DIS3L2: variants seen among roughly 807,000 people sequenced by gnomAD.
The protein encoded by DIS3L2 is DIS3 like 3'-5' exoribonuclease 2.
A neutral mutation model predicts 97.5 loss-of-function variants in DIS3L2; 34 were observed. The ratio of observed to expected loss-of-function variants is 0.35; its 90% CI spans 0.27 to 0.46. The LOEUF is 0.46. DIS3L2 is among the 20% of genes least tolerant of loss of function. The pLI, the probability that DIS3L2 is intolerant of heterozygous loss-of-function variation, is 1.00. For synonymous variants in DIS3L2, 435 were observed against 445.2 expected (o/e 0.98, Z 0.29); for missense variants, 1,038 against 1,146.0 (o/e 0.91, Z 1.36).
chr2:232,328,039 A>C (rs1485882815), intron 14 of DIS3L2, among the ~76,000 whole-genome samples: 1 of 152,196 alleles, frequency 6.6e-6, no homozygotes, highest in African/African-American at 2.4e-5. Context: ...TAGTGGGTTA[A>C]GGGCTTGAAC....
At chr2:232,267,482 A>G (rs933260490) in intron 13 of DIS3L2, among the ~76,000 whole-genome samples, 5 of 152,120 alleles carry the variant, frequency 3.3e-5, no homozygotes, top group African/African-American at 4.8e-5. Context: ...TTCTATCTCC[A>G]TGTTTTCTGC....
intron 14 of DIS3L2, chr2:232,328,483 A>G (rs1015542694): frequency 3.2e-4 from 48 of 151,722 alleles, no homozygotes; most frequent in African/African-American, 1.2e-3. Context: ...GAGGGGCTCT[A>G]TATGCCAGGG....
intron 1 of DIS3L2, among the ~76,000 whole-genome samples, chr2:231,988,964 T>G (rs1375096894): frequency 3.3e-5 from 5 of 152,234 alleles, no homozygotes; most frequent in Admixed American, 3.3e-4. Flanking sequence ...CAGTTGATTA[T>G]AGGTTCTGAA....
At position 232,336,822 on chromosome 2, in the gene DIS3L2, T is replaced by C; in HGVS notation, c.*192T>C. 1 of 1,415,076 alleles carries C rather than the reference T, an allele frequency of 7.1e-7. No homozygotes were observed. Among genetic ancestry groups the C allele is most frequent in the Non-Finnish European group, 9.2e-7 (1 of 1,089,830 alleles). 87.7% of individuals were successfully genotyped at this position (1,415,076 alleles called of 1,614,324 possible). Reference sequence around the variant, plus strand: ...GAGAGGGTGGGGCTGGAAGGAAGGCTGAGGCCTGGTCAGCAGTGACCCCAG... The same window carrying C: ...GAGAGGGTGGGGCTGGAAGGAAGGCCGAGGCCTGGTCAGCAGTGACCCCAG... On this transcript the variant is annotated 3_prime_UTR_variant, in exon 21 of 21. Coordinates refer to ENST00000325385, the MANE Select transcript of DIS3L2 (RefSeq NM_152383.5).
chr2:232,287,403 C>G (rs1291664047), intron 13 of DIS3L2, among the ~76,000 whole-genome samples: 5 of 86,548 alleles, frequency 5.8e-5, no homozygotes, highest in East Asian at 3.8e-4. Flanking sequence ...CCCCCCCCCC[C>G]GCTTTTATTA....
rs1693942775 is a variant in DIS3L2 at position 232,269,980 on chromosome 2, C to T, written c.1659+6540C>T. Among the ~76,000 whole-genome samples the T allele has an allele frequency of 6.6e-6, 1 of 152,048 alleles. No homozygotes were observed. The highest frequency in any genetic ancestry group is 6.6e-5 in the Admixed American group (1 of 15,254). On this transcript the variant is annotated intron_variant, in intron 13 of 20. Transcript: ENST00000325385. The surrounding 1 kb of genome is among the most constrained non-coding windows in gnomAD (Gnocchi z 4.5). ...CCGTGGGGTGAGAGAAGATGATGGA[C>T]CGACCCAAGAGAGGGAAGAAAATCG...
intron 5 of DIS3L2, among the ~76,000 whole-genome samples, chr2:232,054,887 T>C (rs970073457): frequency 2.0e-5 from 3 of 152,154 alleles, no homozygotes; most frequent in Non-Finnish European, 2.9e-5. Flanking sequence ...TCCATAGATA[T>C]GTTGTAGGGA....
intron 1 of DIS3L2, among the ~76,000 whole-genome samples, chr2:232,011,585 A>C (rs1400660413): frequency 1.3e-5 from 2 of 152,040 alleles, no homozygotes; most frequent in Non-Finnish European, 2.9e-5. Context: ...ACTCCCGAAC[A>C]CAGGTGGTCT....
intron 12 of DIS3L2, among the ~76,000 whole-genome samples, chr2:232,253,570 A>G (rs927455154): frequency 6.6e-6 from 1 of 152,184 alleles, no homozygotes; most frequent in Non-Finnish European, 1.5e-5. Flanking sequence ...GAAAAGTAAC[A>G]CTTAGTATTT....
At chr2:232,222,423 C>G (rs796066322) in intron 10 of DIS3L2, among the ~76,000 whole-genome samples, 1 of 152,072 alleles carries the variant, frequency 6.6e-6, no homozygotes, top group Non-Finnish European at 1.5e-5. Flanking sequence ...GATCTGTCAG[C>G]TCATAAGGAA....
At chr2:232,192,511 G>T (rs1691641509) in intron 9 of DIS3L2, among the ~76,000 whole-genome samples, 1 of 152,192 alleles carries the variant, frequency 6.6e-6, no homozygotes, top group South Asian at 2.1e-4. Flanking sequence ...GTTAGAGCCT[G>T]TCTTCTTTAA....
chr2:232,181,360 C>T (rs1691263423), intron 9 of DIS3L2, among the ~76,000 whole-genome samples: 1 of 152,102 alleles, frequency 6.6e-6, no homozygotes, highest in Admixed American at 6.5e-5. Context: ...TGTTGGGCTG[C>T]CTTGCTAGAT....
At chr2:232,342,024 G>A (rs1047613229), downstream of DIS3L2, among the ~76,000 whole-genome samples, 53 of 152,136 alleles carry the variant, frequency 3.5e-4, no homozygotes, top group African/African-American at 1.2e-3. Context: ...AAATATAGAC[G>A]ATAGATGATT....
chr2:232,149,452 G>A (rs370701799), intron 8 of DIS3L2, among the ~76,000 whole-genome samples: 1 of 136,192 alleles, frequency 7.3e-6, no homozygotes, highest in Admixed American at 7.4e-5. Flanking sequence ...GCGGTGTTTG[G>A]TTTTTTGTTC....
chr2:232,136,497 A>G lies in DIS3L2; in HGVS notation c.728A>G (p.His243Arg). ...GTGGTTTACATCTTGGAGAAAAAAC[A>G]TTCTCGAGCAGCAACCGGCTTCCTC... is the stretch of plus-strand genomic sequence containing the variant. Reference protein sequence around the residue: ...AKVVYILEKKHSRAATGFLKL... With the variant: ...AKVVYILEKKRSRAATGFLKL... Residue 243 changes from histidine to arginine, a missense_variant, in exon 8 of 21, where the codon CAT (histidine) becomes CGT (arginine). Around this residue, in one of 3 missense-constraint regions of DIS3L2, gnomAD observed 813 missense variants for 880.1 expected, o/e 0.92. Transcript: ENST00000325385. 3 of 1,614,026 alleles carry G rather than the reference A, an allele frequency of 1.9e-6. No individual in the cohort carries two copies. The highest frequency in any genetic ancestry group is 2.2e-5 in the East Asian group (1 of 44,884).
intron 16 of DIS3L2, 82 bp from the exon 17 acceptor site, chr2:232,333,758 T>TATGCG: frequency 2.4e-5 from 33 of 1,401,614 alleles, no homozygotes; most frequent in Admixed American, 1.5e-4. Context: ...CTGCCGACGG[T>TATGCG]GAGGCTGTGG....
chr2:232,319,491 G>A (rs944631353), intron 14 of DIS3L2, among the ~76,000 whole-genome samples: 3 of 152,192 alleles, frequency 2.0e-5, no homozygotes, highest in East Asian at 1.9e-4. Flanking sequence ...ACAGCTCAGC[G>A]GACCACACAG....
chr2:232,005,243 C>T, intron 1 of DIS3L2, among the ~76,000 whole-genome samples: 1 of 135,856 alleles, frequency 7.4e-6, no homozygotes, highest in East Asian at 2.3e-4. Context: ...TGCGTCTTGT[C>T]TCCTGTAGGC....
At chr2:232,059,155 C>T (rs1039213081) in intron 5 of DIS3L2, among the ~76,000 whole-genome samples, 6 of 152,082 alleles carry the variant, frequency 3.9e-5, no homozygotes, top group African/African-American at 1.2e-4. Flanking sequence ...AAAAGCTCTG[C>T]CCAGGATAAT....
Sources: allele counts gnomAD v4.1 joint callset (sites outside exome capture counted in the v4.1 genomes callset), GRCh38; gene constraint gnomAD v4.1.1; regional missense constraint gnomAD v4.1.1; non-coding constraint Gnocchi (gnomAD v3.1); transcripts MANE v1.5; gene names NCBI Gene and HGNC (gene_info 2026-07-23, HGNC 2026-07-21).